The following ITGB3 variants were observed in gnomAD, a reference collection of about 807,000 sequenced individuals.
The protein encoded by ITGB3 is integrin subunit beta 3.
ITGB3 carries 48 observed loss-of-function variants against 85.8 expected under a neutral mutation model. The observed-to-expected ratio is 0.56, with a 90% confidence interval of 0.44 to 0.71. The LOEUF (loss-of-function observed/expected upper bound fraction) is 0.71. ITGB3 is among the 30% of genes least tolerant of loss of function. The probability of loss-of-function intolerance (pLI) is 0.00; values close to 1 mark genes in which losing one functional copy is unlikely to be tolerated. For missense variants in ITGB3, 861 were observed against 1,019.1 expected, an observed-to-expected ratio of 0.84 and a Z score of 2.11; for synonymous variants, 363 against 395.6, an observed-to-expected ratio of 0.92 and a Z score of 0.98.
Position 47,284,482 on chromosome 17 carries a change from A to C in ITGB3, c.401A>C (p.Glu134Ala), listed in dbSNP as rs765375492. The change falls in exon 4 of 15, where the codon GAG (glutamate) becomes GCG (alanine). Residue 134 changes from glutamate (E) to alanine (A), a missense_variant. Coordinates refer to ENST00000559488, the MANE Select transcript of ITGB3 (RefSeq NM_000212.3). ...KNFSIQVRQV[E>A]DYPVDIYYLM... ...TTCTCCATCCAAGTGCGGCAGGTGGAGGATTACCCTGTGGACATCTACTAC... is the reference window on the plus strand; with the variant it reads ...TTCTCCATCCAAGTGCGGCAGGTGGCGGATTACCCTGTGGACATCTACTAC... 9.9e-6 allele frequency: 16 copies of C among 1,614,020 alleles called. No individual in the cohort carries two copies. Among genetic ancestry groups the C allele is most frequent in the Non-Finnish European group, 1.4e-5 (16 of 1,180,036 alleles).
At chr17:47,289,632 A>C in intron 6 of ITGB3, 49 bp from the exon 7 acceptor site, 11 of 1,309,120 alleles carry the variant, frequency 8.4e-6, no homozygotes, top group Non-Finnish European at 1.2e-5. Context: ...TTTAGACCCT[A>C]GAGATGTACA....
intron 1 of ITGB3, among the ~76,000 whole-genome samples, chr17:47,265,864 T>C (rs781551745): frequency 1.3e-5 from 2 of 152,224 alleles, no homozygotes; most frequent in Non-Finnish European, 2.9e-5. Context: ...TGATGAAATA[T>C]GGTGCCTGGG....
chr17:47,301,450 T>C (rs1301928750), intron 12 of ITGB3, among the ~76,000 whole-genome samples: 1 of 152,156 alleles, frequency 6.6e-6, no homozygotes, highest in Non-Finnish European at 1.5e-5. Flanking sequence ...GAAGTAGGGC[T>C]GGGGTGAGGT....
rs936054734 is a variant in ITGB3, at chr17:47,313,393, C to T, written c.*3189C>T. ...ACAGAGTCTTGCTCTATCACCCAGG[C>T]TGGAGTGCAGTGGCACGATCTCTGC... On this transcript the variant is annotated 3_prime_UTR_variant, in exon 15 of 15. Coordinates refer to ENST00000559488, the MANE Select transcript of ITGB3 (RefSeq NM_000212.3). Among the ~76,000 whole-genome samples the T allele has an allele frequency of 7.0e-6, 1 of 142,670 alleles. No homozygotes were observed. The highest frequency in any genetic ancestry group is 1.5e-5 in the Non-Finnish European group (1 of 66,472). The allele number at this position is 142,670 out of a possible 152,430, so 93.6% of individuals were successfully genotyped here.
Position 47,292,378 on chromosome 17 carries a change from AGAG to A in ITGB3, c.1506_1508del (p.Glu502del). 6.2e-7 allele frequency: 1 copy of A among 1,614,170 alleles called. No individual in the cohort carries two copies. Among genetic ancestry groups the A allele is most frequent in the Non-Finnish European group, 8.5e-7 (1 of 1,179,990 alleles). On this transcript the variant is annotated inframe_deletion, in exon 10 of 15. Coordinates refer to ENST00000559488, the MANE Select transcript of ITGB3 (RefSeq NM_000212.3). ...GGCTGGGATCCCAGTGTGAGTGCTC[AGAG>A]GAGGACTATCGCCCTTCCCAGCAGG...
intron 6 of ITGB3, among the ~76,000 whole-genome samples, chr17:47,287,694 A>C (rs2143100392): frequency 6.6e-6 from 1 of 152,296 alleles, no homozygotes; most frequent in South Asian, 2.1e-4. Flanking sequence ...GGATCACGTG[A>C]GTCCAGGAGT....
At chr17:47,270,728 T>C (rs896674081) in intron 1 of ITGB3, among the ~76,000 whole-genome samples, 1 of 152,198 alleles carries the variant, frequency 6.6e-6, no homozygotes, top group Non-Finnish European at 1.5e-5. Context: ...CATGGGCTCA[T>C]AAAGGCATCC....
chr17:47,283,826 A>G (rs564533990), intron 3 of ITGB3, among the ~76,000 whole-genome samples: 2 of 152,344 alleles, frequency 1.3e-5, no homozygotes, highest in East Asian at 1.9e-4. Context: ...TGCTCAAAAA[A>G]TATTTGTTTC....
Position 47,300,334 on chromosome 17 carries a change from GGCGC to G in ITGB3, c.1914-134_1914-131del, listed in dbSNP as rs747880536. Reference sequence around the variant, plus strand: ...TTCAGGTCCCCAGGATTGTCTTACAGGCGCGCGCGCGCGTGTGTGTGTGTGTGTG... The same window carrying G: ...TTCAGGTCCCCAGGATTGTCTTACAGGCGCGCGCGTGTGTGTGTGTGTGTG... On this transcript the variant is annotated intron_variant, in intron 11 of 14. Coordinates refer to ENST00000559488, the MANE Select transcript of ITGB3 (RefSeq NM_000212.3). 1.6e-5 allele frequency: 8 copies of G among 502,072 alleles called. No homozygotes were observed. The African/African-American group carries it at 1.9e-4, about 12-fold the overall frequency. 31.1% of individuals were successfully genotyped at this position (502,072 alleles called of 1,614,324 possible).
chr17:47,257,723 C>A (rs980100837), intron 1 of ITGB3, among the ~76,000 whole-genome samples: 1 of 152,210 alleles, frequency 6.6e-6, no homozygotes, highest in African/African-American at 2.4e-5. Context: ...ACCATTTAGA[C>A]CTGTGATCTG....
At chr17:47,285,883 G>A (rs528114541) in intron 4 of ITGB3, among the ~76,000 whole-genome samples, 111 of 152,280 alleles carry the variant, frequency 7.3e-4, no homozygotes, top group Non-Finnish European at 1.3e-3. Flanking sequence ...TGGTCTAAGT[G>A]CTTTGTGTGT....
At chr17:47,275,012 G>A (rs1219079573) in intron 2 of ITGB3, among the ~76,000 whole-genome samples, 1 of 152,148 alleles carries the variant, frequency 6.6e-6, no homozygotes, top group Non-Finnish European at 1.5e-5. Flanking sequence ...AGGAGAGGCA[G>A]CAAGGGGTAT....
Position 47,313,583 on chromosome 17 carries a change from T to G in ITGB3, c.*3379T>G, listed in dbSNP as rs2065225083. 6.6e-6 allele frequency among the ~76,000 whole-genome samples: 1 copy of G among 151,512 alleles called. No individual in the cohort carries two copies. Among genetic ancestry groups the G allele is most frequent in the Non-Finnish European group, 1.5e-5 (1 of 67,884 alleles). ...CCAGGAAGGTCTCGATCTCCTGACC[T>G]CGTGATCCTCCCGCCTCGGCCTCCC... On this transcript the variant is annotated 3_prime_UTR_variant, in exon 15 of 15. Transcript: ENST00000559488.
At chr17:47,273,602 T>C (rs1176631482) in intron 1 of ITGB3, among the ~76,000 whole-genome samples, 2 of 152,230 alleles carry the variant, frequency 1.3e-5, no homozygotes, top group Non-Finnish European at 2.9e-5. Context: ...CACATTTGAA[T>C]AGCACCTTAT....
chr17:47,305,639 G>T (rs967416598), intron 13 of ITGB3: 1 of 152,164 alleles, frequency 6.6e-6, no homozygotes, highest in East Asian at 1.9e-4. Context: ...TTTCAATAGG[G>T]TTATGATTTT....
chr17:47,274,348 G>C lies in ITGB3; in HGVS notation c.80-71G>C. 4 of 1,357,580 alleles carry C rather than the reference G, an allele frequency of 2.9e-6. No homozygotes were observed. In the South Asian group the frequency reaches 4.7e-5, roughly 16 times the overall value. The allele number at this position is 1,357,580 out of a possible 1,614,324, so 84.1% of individuals were successfully genotyped here. A position where few individuals can be genotyped will look rare whatever the true frequency, so the allele number is the denominator to read the frequency against. ...GTAAACCTGGACATTGGGAAAGTTGGGAAGGATGAGGCAGGCAAGTACCTT... is the reference window on the plus strand; with the variant it reads ...GTAAACCTGGACATTGGGAAAGTTGCGAAGGATGAGGCAGGCAAGTACCTT... On this transcript the variant is annotated intron_variant, in intron 1 of 14. Transcript: ENST00000559488.
chr17:47,300,496 G>A lies in ITGB3; in HGVS notation c.1932G>A (p.Lys644=). The A allele has an allele frequency of 1.2e-6, 2 of 1,614,018 alleles. No homozygotes were observed. Among genetic ancestry groups the A allele is most frequent in the African/African-American group, 1.3e-5 (1 of 75,050 alleles). Residue 644 remains lysine (K), a synonymous_variant, in exon 12 of 15, where the codon AAG becomes AAA. Coordinates refer to ENST00000559488, the MANE Select transcript of ITGB3 (RefSeq NM_000212.3). The part of the protein sequence containing the change: ...CTFKKECVEC[K]KFDRGALHDE... The stretch of plus-strand genomic sequence containing the variant: ...CCTTCAGAGAATGTGTGGAGTGTAA[G>A]AAGTTTGACCGGGGAGCCCTACATG...
chr17:47,292,529 G>A lies in ITGB3; in HGVS notation c.1651G>A (p.Asp551Asn), dbSNP rs762168403. The A allele has an allele frequency of 1.9e-5, 31 of 1,603,546 alleles. No individual in the cohort carries two copies. Among genetic ancestry groups the A allele is most frequent in the African/African-American group, 2.7e-5 (2 of 74,916 alleles). Residue 551 changes from aspartate (D) to asparagine (N), a missense_variant, in exon 10 of 15, where the codon GAC (aspartate) becomes AAC (asparagine). By Grantham distance (23) the Asp-to-Asn change is conservative. Coordinates refer to ENST00000559488, the MANE Select transcript of ITGB3 (RefSeq NM_000212.3). ...CACGGGCAAGTACTGCGAGTGTGAC[G>A]ACTTCTCCTGTGTCCGCTACAAGGG... ...KITGKYCECD[D>N]FSCVRYKGEM...
chr17:47,298,898 G>A (rs2065155595), intron 10 of ITGB3, among the ~76,000 whole-genome samples: 1 of 152,240 alleles, frequency 6.6e-6, no homozygotes. Flanking sequence ...GTTCAGGGCT[G>A]TGGCTTTGTG....
Sources: allele counts gnomAD v4.1 joint callset (sites outside exome capture counted in the v4.1 genomes callset), GRCh38; gene constraint gnomAD v4.1.1; transcripts MANE v1.5; gene names NCBI Gene and HGNC (gene_info 2026-07-23, HGNC 2026-07-21).